Variants in TPP2 observed in about 807,000 individuals in gnomAD.
The protein encoded by TPP2 is tripeptidyl peptidase 2, also known as tripeptidyl-peptidase 2.
A neutral mutation model predicts 155.9 loss-of-function variants in TPP2; 34 were observed. The ratio of observed to expected loss-of-function variants is 0.22; its 90% CI spans 0.17 to 0.29. TPP2 has a LOEUF of 0.29. Among genes scored for constraint, TPP2 ranks in the 10% least tolerant of loss-of-function variants. The pLI is 1.00. For missense variants in TPP2, 1,028 were observed against 1,522.3 expected, an observed-to-expected ratio of 0.68 and a Z score of 5.40; for synonymous variants, 510 against 529.4, an observed-to-expected ratio of 0.96 and a Z score of 0.50.
intron 6 of TPP2, among the ~76,000 whole-genome samples, chr13:102,625,893 G>T (rs1356505493): frequency 6.6e-6 from 1 of 152,178 alleles, no homozygotes; most frequent in Non-Finnish European, 1.5e-5. Context: ...TCTGAGACTA[G>T]TGGGATATTT....
intron 25 of TPP2, 41 bp from the exon 26 acceptor site, chr13:102,663,607 A>G: frequency 1.4e-6 from 2 of 1,420,164 alleles, no homozygotes; most frequent in Non-Finnish European, 1.9e-6. Context: ...AGTCTTTTTA[A>G]AAGAAAAAAG....
At chr13:102,677,798 A>G (rs1885383532) in intron 29 of TPP2, among the ~76,000 whole-genome samples, 1 of 152,148 alleles carries the variant, frequency 6.6e-6, no homozygotes, top group Non-Finnish European at 1.5e-5. Flanking sequence ...TTGTTTATTC[A>G]TTTATTAATT....
chr13:102,614,296 C>G, intron 3 of TPP2, 100 bp downstream of exon 3: 1 of 1,093,652 alleles, frequency 9.1e-7, no homozygotes, highest in South Asian at 1.8e-5. Context: ...CATAAAATCT[C>G]ATTAACTTAG....
chr13:102,635,471 T>C, intron 11 of TPP2, 116 bp from the exon 12 acceptor site: 6 of 657,424 alleles, frequency 9.1e-6, no homozygotes, highest in Non-Finnish European at 1.6e-5. Flanking sequence ...TTAAAATGAG[T>C]GTTAGAACAC....
intron 7 of TPP2, among the ~76,000 whole-genome samples, chr13:102,627,559 G>C (rs1881716850): frequency 6.6e-6 from 1 of 151,220 alleles, no homozygotes; most frequent in Non-Finnish European, 1.5e-5. Flanking sequence ...TTTAACCTAG[G>C]AAGGACCATT....
rs774744030 is a variant in TPP2, at chr13:102,627,072, G to A, written c.845G>A (p.Arg282Gln). The A allele has an allele frequency of 6.3e-6, 10 of 1,598,112 alleles. No individual in the cohort carries two copies. The South Asian group carries it at 6.8e-5, about 11-fold the overall frequency. Residue 282 changes from arginine to glutamine, a missense_variant, in exon 7 of 30, where the codon CGG (arginine) becomes CAG (glutamine). Arg to Gln is a conservative substitution (Grantham distance 43). Around this residue, in one of 7 missense-constraint regions of TPP2, gnomAD observed 300 missense variants for 398.3 expected, o/e 0.75. Transcript: ENST00000376052. ...GGACACTTTCCAGAAGAACCTGAAC[G>A]GAATGGGGTAGCTCCTGGTGCTCAA... ...AAGHFPEEPE[R>Q]NGVAPGAQIL...
chr13:102,646,564 C>CGGGG (rs1883116132), intron 20 of TPP2, among the ~76,000 whole-genome samples, 174 bp downstream of exon 20: 1 of 152,116 alleles, frequency 6.6e-6, no homozygotes, highest in African/African-American at 2.4e-5. Flanking sequence ...TAATTAAATA[C>CGGGG]CATTCAGTTG....
At chr13:102,663,216 C>T (rs917178755) in intron 25 of TPP2, among the ~76,000 whole-genome samples, 53 of 151,928 alleles carry the variant, frequency 3.5e-4, no homozygotes, top group Admixed American at 3.1e-3. Flanking sequence ...GGTTTGATCT[C>T]GGCTCACTGC....
At chr13:102,654,931 G>GCT (rs966685104) in intron 24 of TPP2, 15 of 483,536 alleles carry the variant, frequency 3.1e-5, no homozygotes, top group Middle Eastern at 3.2e-4. Flanking sequence ...AAGGAGAGGA[G>GCT]CAGGACAGGC....
intron 5 of TPP2, among the ~76,000 whole-genome samples, chr13:102,619,913 A>T (rs192074413): frequency 6.6e-6 from 1 of 152,200 alleles, no homozygotes; most frequent in Admixed American, 6.6e-5. Context: ...ATACAGTCAC[A>T]CTCAGTGATA....
chr13:102,641,400 A>G (rs953028925), intron 16 of TPP2, among the ~76,000 whole-genome samples: 1 of 152,182 alleles, frequency 6.6e-6, no homozygotes, highest in African/African-American at 2.4e-5. Context: ...TACAGAGATT[A>G]TCTTGTCTAG....
chr13:102,621,861 C>G (rs1479170619), intron 5 of TPP2, among the ~76,000 whole-genome samples: 3 of 152,188 alleles, frequency 2.0e-5, no homozygotes, highest in African/African-American at 7.2e-5. Flanking sequence ...AGTGCTACTT[C>G]TGTAGCATGT....
At chr13:102,607,697 C>T (rs1016400798) in intron 2 of TPP2, 1 of 443,168 alleles carries the variant, frequency 2.3e-6, no homozygotes, top group Non-Finnish European at 4.5e-6. Flanking sequence ...AGTGATTCTT[C>T]TGCCTCAGCC....
At chr13:102,627,423 T>C (rs1280785372) in intron 7 of TPP2, among the ~76,000 whole-genome samples, 1 of 152,118 alleles carries the variant, frequency 6.6e-6, no homozygotes, top group Non-Finnish European at 1.5e-5. Context: ...ACAAGCAATT[T>C]TGAGATACTT....
chr13:102,654,717 C>A (rs895316906), intron 24 of TPP2, among the ~76,000 whole-genome samples: 1 of 152,110 alleles, frequency 6.6e-6, no homozygotes, highest in African/African-American at 2.4e-5. Context: ...AAGCTCAATT[C>A]CATGGAGAAT....
At position 102,656,760 on chromosome 13, in the gene TPP2, A is replaced by T. The variant is rs547373707; in HGVS notation, c.2992-296A>T. 5.9e-5 allele frequency among the ~76,000 whole-genome samples: 9 copies of T among 152,346 alleles called. No homozygotes were observed. In the South Asian group the frequency reaches 1.0e-3, roughly 18 times the overall value. On this transcript the variant is annotated intron_variant, in intron 24 of 29. Transcript: ENST00000376052. ...TGTGAAAGGTCAGTGTACTTTTGTC[A>T]TCTGTCTGCCAAGTAAAGCCAAGAA...
At chr13:102,652,844 A>T (rs1489692750) in intron 24 of TPP2, among the ~76,000 whole-genome samples, 1 of 152,178 alleles carries the variant, frequency 6.6e-6, no homozygotes, top group Non-Finnish European at 1.5e-5. Context: ...GACTCATAAA[A>T]TTGTAATTTC....
At chr13:102,658,773 G>T (rs1884017309) in intron 25 of TPP2, among the ~76,000 whole-genome samples, 1 of 152,168 alleles carries the variant, frequency 6.6e-6, no homozygotes, top group Admixed American at 6.5e-5. Context: ...GGGAGGGAAG[G>T]CTTTCCTCCT....
intron 27 of TPP2, 31 bp from the exon 28 acceptor site, chr13:102,674,252 T>TA (rs1471977594): frequency 6.3e-7 from 1 of 1,587,036 alleles, no homozygotes; most frequent in Non-Finnish European, 8.6e-7. Context: ...ATTTTACTGA[T>TA]ATCTGAAATA....
Sources: allele counts gnomAD v4.1 joint callset (sites outside exome capture counted in the v4.1 genomes callset), GRCh38; gene constraint gnomAD v4.1.1; regional missense constraint gnomAD v4.1.1; transcripts MANE v1.5; gene names NCBI Gene and HGNC (gene_info 2026-07-23, HGNC 2026-07-21).